RBFOX1: variants seen among roughly 807,000 people sequenced by gnomAD.
The protein encoded by RBFOX1 is RNA binding fox-1 homolog 1, also known as RNA binding protein fox-1 homolog 1.
A neutral mutation model predicts 57.7 loss-of-function variants in RBFOX1; 8 were observed. The observed-to-expected ratio is 0.14, with a 90% CI of 0.08 to 0.25. The LOEUF is 0.25. Ranked by LOEUF, RBFOX1 falls within the 10% of genes least tolerant of loss-of-function variation. RBFOX1 has a pLI of 1.00. For synonymous variants in RBFOX1, 326 were observed against 222.4 expected (o/e 1.47, Z -4.15); for missense variants, 611 against 548.5 (o/e 1.11, Z -1.14).
intron 3 of RBFOX1, among the ~76,000 whole-genome samples, chr16:5,737,128 T>A (rs2052605739): frequency 6.6e-6 from 1 of 152,050 alleles, no homozygotes; most frequent in Non-Finnish European, 1.5e-5. Context: ...CTCCACTTTC[T>A]GCTGGATGCT....
chr16:6,167,248 C>G (rs1201399496), intron 1 of RBFOX1, among the ~76,000 whole-genome samples: 1 of 152,196 alleles, frequency 6.6e-6, no homozygotes. Flanking sequence ...GCAAGTTTGC[C>G]GAAGTTGCTC....
At chr16:6,897,523 G>T (rs1436171830) in intron 3 of RBFOX1, among the ~76,000 whole-genome samples, 1 of 152,268 alleles carries the variant, frequency 6.6e-6, no homozygotes, top group Non-Finnish European at 1.5e-5. Flanking sequence ...GTTGGGTGCA[G>T]TGGCTCACGC....
intron 2 of RBFOX1, among the ~76,000 whole-genome samples, chr16:6,319,374 T>A (rs574072608): frequency 6.6e-6 from 1 of 152,280 alleles, no homozygotes; most frequent in South Asian, 2.1e-4. Flanking sequence ...CAATAGTATA[T>A]TACCCCTCAT....
At chr16:6,600,450 G>C (rs1023846395) in intron 2 of RBFOX1, among the ~76,000 whole-genome samples, 4 of 152,164 alleles carry the variant, frequency 2.6e-5, no homozygotes, top group Non-Finnish European at 5.9e-5. Context: ...TGTTCATAGA[G>C]GACTTCTGGC....
At chr16:6,764,554 G>T (rs1213866510) in intron 3 of RBFOX1, among the ~76,000 whole-genome samples, 1 of 152,168 alleles carries the variant, frequency 6.6e-6, no homozygotes, top group Admixed American at 6.5e-5. Context: ...TAAGGACATG[G>T]TTTCTGTCCC....
At chr16:6,610,451 C>T (rs887703300) in intron 2 of RBFOX1, among the ~76,000 whole-genome samples, 1 of 152,106 alleles carries the variant, frequency 6.6e-6, no homozygotes, top group Non-Finnish European at 1.5e-5. Flanking sequence ...CTTCAGCCTC[C>T]AGAGTAGCTG....
chr16:7,065,147 C>G (rs148451897), intron 4 of RBFOX1, among the ~76,000 whole-genome samples: 1 of 152,196 alleles, frequency 6.6e-6, no homozygotes, highest in Non-Finnish European at 1.5e-5. Context: ...CATTTGTAAC[C>G]TTACCTAAAT....
intron 3 of RBFOX1, among the ~76,000 whole-genome samples, chr16:6,917,112 G>T (rs945658746): frequency 1.3e-5 from 2 of 152,170 alleles, no homozygotes; most frequent in East Asian, 1.9e-4. Flanking sequence ...TGGCCTCCCA[G>T]AGTGCTGGGG....
At chr16:5,325,186 C>A (rs1264357056) in intron 1 of RBFOX1, among the ~76,000 whole-genome samples, 1 of 152,148 alleles carries the variant, frequency 6.6e-6, no homozygotes, top group African/African-American at 2.4e-5. Context: ...GGCCCTTCTT[C>A]TCTTCCTCTT....
chr16:6,819,689 G>T (rs1051877386), intron 3 of RBFOX1, among the ~76,000 whole-genome samples: 1 of 82,984 alleles, frequency 1.2e-5, no homozygotes, highest in African/African-American at 4.8e-5. Context: ...TGGGCAACAA[G>T]AGTGAAACTC....
chr16:7,353,395 A>T (rs2097161490), intron 4 of RBFOX1, among the ~76,000 whole-genome samples: 1 of 152,336 alleles, frequency 6.6e-6, no homozygotes, highest in African/African-American at 2.4e-5. Flanking sequence ...ACTTAGAAAA[A>T]TAGTTGAGTA....
At chr16:7,382,754 C>T (rs2097800886) in intron 4 of RBFOX1, among the ~76,000 whole-genome samples, 1 of 152,202 alleles carries the variant, frequency 6.6e-6, no homozygotes, top group African/African-American at 2.4e-5. Context: ...CCAAAGCCAG[C>T]ATACATTAAA....
rs200429866 is a variant in RBFOX1 at position 7,546,015 on chromosome 16, A to AT, written c.270+27626_270+27627insT. On this transcript the variant is annotated intron_variant, in intron 5 of 15. Coordinates refer to ENST00000550418, the MANE Select transcript of RBFOX1 (RefSeq NM_018723.4). Reference sequence around the variant, plus strand: ...TATTATTCTGTGACTCTGAGCTTATAAAAAAAAAAAAAAAAGAAAAAGAAA... The same window carrying AT: ...TATTATTCTGTGACTCTGAGCTTATATAAAAAAAAAAAAAAAGAAAAAGAAA... 0.013 allele frequency among the ~76,000 whole-genome samples: 187 copies of AT among 14,314 alleles called. 2 individuals are homozygous for AT. In the South Asian group the frequency reaches 0.13, roughly 10 times the overall value. 9.4% of individuals were successfully genotyped at this position (14,314 alleles called of 152,430 possible).
intron 2 of RBFOX1, among the ~76,000 whole-genome samples, chr16:6,548,048 G>T (rs56253018): frequency 0.21 from 32,008 of 152,050 alleles, 4,013 homozygotes; most frequent in Non-Finnish European, 0.28. Flanking sequence ...ACTATTCATC[G>T]TAGTAAGAAT....
chr16:5,428,573 C>G (rs1488838210), intron 1 of RBFOX1, among the ~76,000 whole-genome samples: 1 of 152,078 alleles, frequency 6.6e-6, no homozygotes, highest in Non-Finnish European at 1.5e-5. Context: ...GACAAACAGG[C>G]AGCTGAAAGA....
chr16:5,919,922 C>A (rs989820037), intron 4 of RBFOX1, among the ~76,000 whole-genome samples: 5 of 152,040 alleles, frequency 3.3e-5, no homozygotes, highest in Admixed American at 2.0e-4. Flanking sequence ...AAGGTTCATC[C>A]ATATTGAAAC....
At position 5,954,927 on chromosome 16, in the gene RBFOX1, C is replaced by G. The variant is rs140403046; in HGVS notation, c.351+87592C>G. ...CTGTTTCTAAGTGAACAGCACCATTCAGTTCCTGGGTTCCTCTTGAAGGAG... is the reference window on the plus strand; with the variant it reads ...CTGTTTCTAAGTGAACAGCACCATTGAGTTCCTGGGTTCCTCTTGAAGGAG... On this transcript the variant is annotated intron_variant, in intron 4 of 19. Transcript: ENST00000641259. 2.7e-4 allele frequency among the ~76,000 whole-genome samples: 41 copies of G among 151,770 alleles called. No homozygotes were observed. The East Asian group carries it at 7.8e-3, about 29-fold the overall frequency.
rs536465249 is a variant in RBFOX1 at position 7,115,410 on chromosome 16, C to T, written c.27+63312C>T. On this transcript the variant is annotated intron_variant, in intron 4 of 15. Transcript: ENST00000550418. ...GGAAAACAGAAACTAATTCTTTTGC[C>T]TTAGTTACCTATTGCTATGTAATTA... Among the ~76,000 whole-genome samples the T allele has an allele frequency of 4.3e-3, 660 of 152,278 alleles. 2 individuals are homozygous for T. Among genetic ancestry groups the T allele is most frequent in the Non-Finnish European group, 6.5e-3 (445 of 68,028 alleles).
intron 4 of RBFOX1, among the ~76,000 whole-genome samples, chr16:7,354,171 A>G (rs1371458665): frequency 6.6e-6 from 1 of 151,990 alleles, no homozygotes; most frequent in Non-Finnish European, 1.5e-5. Flanking sequence ...GGGTTTCATC[A>G]CATTGGTCAG....
Sources: gnomAD v4.1 joint callset for allele counts (sites outside exome capture counted in the v4.1 genomes callset) on GRCh38, gnomAD v4.1.1 for gene constraint, MANE v1.5 for transcripts, NCBI Gene and HGNC (gene_info 2026-07-23, HGNC 2026-07-21) for gene names.